The following NCAPD2 variants were observed in gnomAD, a reference collection of about 807,000 sequenced individuals.
The protein encoded by NCAPD2 is non-SMC condensin I complex subunit D2, also known as condensin complex subunit 1.
NCAPD2 carries 100 observed loss-of-function variants against 164.5 expected under a neutral mutation model. That is an observed-to-expected ratio of 0.61 (90% CI 0.52 to 0.72). NCAPD2 has a LOEUF of 0.72. NCAPD2 is among the 30% of genes least tolerant of loss of function. NCAPD2 has a pLI of 0.00. For synonymous variants in NCAPD2, 585 were observed against 642.6 expected (o/e 0.91, Z 1.36); for missense variants, 1,560 against 1,749.2 (o/e 0.89, Z 1.93).
chr12:6,525,325 A>G (rs1592176619), intron 17 of NCAPD2, among the ~76,000 whole-genome samples: 1 of 152,176 alleles, frequency 6.6e-6, no homozygotes. Context: ...ACTTAGAACT[A>G]TGGACCCACG....
chr12:6,509,235 A>G (rs1946123915), intron 2 of NCAPD2, among the ~76,000 whole-genome samples: 1 of 152,164 alleles, frequency 6.6e-6, no homozygotes, highest in African/African-American at 2.4e-5. Flanking sequence ...TAACACAAAT[A>G]TAAGATATCA....
rs746546116 is a variant in NCAPD2 at position 6,530,902 on chromosome 12, G to T, written c.3965-19G>T. ...TGTTTCTTCTTCTTTTTTAAATCACGTTTTCCTGCCTTTTCTAGGTTCTAG... is the reference window on the plus strand; with the variant it reads ...TGTTTCTTCTTCTTTTTTAAATCACTTTTTCCTGCCTTTTCTAGGTTCTAG... On this transcript the variant is annotated intron_variant, in intron 30 of 31. Coordinates refer to ENST00000315579, the MANE Select transcript of NCAPD2 (RefSeq NM_014865.4). 20 of 1,612,976 alleles carry T rather than the reference G, an allele frequency of 1.2e-5. No individual in the cohort carries two copies. Among genetic ancestry groups the T allele is most frequent in the Non-Finnish European group, 1.7e-5 (20 of 1,179,522 alleles).
chr12:6,502,790 G>A (rs182207728), intron 2 of NCAPD2, among the ~76,000 whole-genome samples: 10 of 152,074 alleles, frequency 6.6e-5, no homozygotes, highest in Non-Finnish European at 1.3e-4. Context: ...TTCGGCCTGC[G>A]CAACACAACA....
At chr12:6,504,473 A>T (rs1262338095) in intron 2 of NCAPD2, among the ~76,000 whole-genome samples, 1 of 151,486 alleles carries the variant, frequency 6.6e-6, no homozygotes, top group Non-Finnish European at 1.5e-5. Flanking sequence ...GCTCACTGCA[A>T]CCTCCACCTG....
rs574083548 is a variant in NCAPD2, at chr12:6,531,740, G to A, written c.*328G>A. The stretch of plus-strand genomic sequence containing the variant: ...GAATCGCCTGAACCCAGAGGCGGAG[G>A]TTGTAGTGAGCCGAAATCACACCAT... On this transcript the variant is annotated 3_prime_UTR_variant, in exon 32 of 32. Coordinates refer to ENST00000315579, the MANE Select transcript of NCAPD2 (RefSeq NM_014865.4). This position sits in a 1 kb window ranked among gnomAD's most constrained non-coding sequence, Gnocchi z 4.1. The A allele has an allele frequency of 2.0e-5, 7 of 345,890 alleles. No homozygotes were observed. The Admixed American group carries it at 2.3e-4, about 11-fold the overall frequency. 21.4% of individuals were successfully genotyped at this position (345,890 alleles called of 1,614,324 possible).
chr12:6,505,537 G>A (rs1281386163), intron 2 of NCAPD2, among the ~76,000 whole-genome samples: 2 of 152,146 alleles, frequency 1.3e-5, no homozygotes, highest in Non-Finnish European at 2.9e-5. Context: ...ATGCAGTTAT[G>A]ATTTAATACT....
intron 14 of NCAPD2, among the ~76,000 whole-genome samples, chr12:6,521,403 C>G (rs1946262298): frequency 6.6e-6 from 1 of 152,200 alleles, no homozygotes. Flanking sequence ...TATCCAGGGC[C>G]AGATGTCGTG....
chr12:6,521,462 G>A (rs1055040430), intron 14 of NCAPD2, among the ~76,000 whole-genome samples: 3 of 152,182 alleles, frequency 2.0e-5, no homozygotes, highest in Non-Finnish European at 2.9e-5. Context: ...CAGGAGGATT[G>A]CTTGAGCCCA....
chr12:6,519,961 G>A lies in NCAPD2; in HGVS notation c.1590-1025G>A, dbSNP rs544596139. Among the ~76,000 whole-genome samples the A allele has an allele frequency of 1.6e-4, 24 of 151,756 alleles. No homozygotes were observed. The East Asian group carries it at 4.1e-3, about 26-fold the overall frequency. On this transcript the variant is annotated intron_variant, in intron 13 of 31. Coordinates refer to ENST00000315579, the MANE Select transcript of NCAPD2 (RefSeq NM_014865.4). ...GCCCAAAGCTGGTGGATCTCTTGAG[G>A]CCAGGAGTTTGAGGCCAGCCTGGCC...
At chr12:6,510,997 C>T (rs148149970) in intron 5 of NCAPD2, 113 bp from the exon 6 acceptor site, 24,335 of 1,318,494 alleles carry the variant, frequency 0.018, 273 homozygotes, top group Middle Eastern at 0.025. Flanking sequence ...ATATTTCTTC[C>T]GTATTACCTT....
intron 21 of NCAPD2, 59 bp downstream of exon 21, chr12:6,526,674 A>G (rs1946321014): frequency 2.5e-6 from 4 of 1,573,620 alleles, no homozygotes; most frequent in Non-Finnish European, 3.5e-6. Flanking sequence ...CTGCAGGGCC[A>G]GGAGCCACTG....
At chr12:6,525,333 A>G (rs1028968094) in intron 17 of NCAPD2, among the ~76,000 whole-genome samples, 5 of 152,204 alleles carry the variant, frequency 3.3e-5, no homozygotes, top group African/African-American at 1.2e-4. Context: ...CTATGGACCC[A>G]CGTGGAACTC....
chr12:6,501,257 T>C (rs1463547194), intron 2 of NCAPD2, among the ~76,000 whole-genome samples: 3 of 92,016 alleles, frequency 3.3e-5, no homozygotes, highest in Non-Finnish European at 6.3e-5. Flanking sequence ...TTTTTTTTTT[T>C]TTAGGCAGAG....
intron 21 of NCAPD2, 32 bp downstream of exon 21, chr12:6,526,647 G>T (rs1219353259): frequency 6.2e-7 from 1 of 1,601,444 alleles, no homozygotes; most frequent in South Asian, 1.1e-5. Context: ...CACTGCGGCA[G>T]CCAGCTTCTG....
In NCAPD2 at chr12:6,511,263, A is replaced by G. The variant is rs750091779; in HGVS notation, c.587+11A>G. 6.2e-7 allele frequency: 1 copy of G among 1,613,948 alleles called. No homozygotes were observed. Among genetic ancestry groups the G allele is most frequent in the Non-Finnish European group, 8.5e-7 (1 of 1,179,890 alleles). The stretch of plus-strand genomic sequence containing the variant: ...AGAAGAATTTGTCAGGTGGGTAGGG[A>G]GGATGGCTACAGATAATACTGAGCT... On this transcript the variant is annotated intron_variant, in intron 6 of 31. Coordinates refer to ENST00000315579, the MANE Select transcript of NCAPD2 (RefSeq NM_014865.4).
chr12:6,514,336 G>T lies in NCAPD2; in HGVS notation c.659G>T (p.Arg220Leu), dbSNP rs201003099. ...TINHQKNRPT[R>L]EAITHLLGVA... ...AATCACCAGAAGAACCGCCCCACTC[G>T]GGAAGCCATAACACACCTGCTTGGT... The change falls in exon 7 of 32, where the codon CGG becomes CTG. Residue 220 changes from arginine to leucine, a missense_variant. Arg to Leu is a moderately radical substitution (Grantham distance 102). Transcript: ENST00000315579. The T allele has an allele frequency of 3.1e-6, 5 of 1,613,990 alleles. No individual in the cohort carries two copies. The highest frequency in any genetic ancestry group is 4.2e-6 in the Non-Finnish European group (5 of 1,180,028).
Position 6,531,183 on chromosome 12 carries a change from C to G in NCAPD2, c.4120+107C>G, listed in dbSNP as rs867774695. The G allele has an allele frequency of 2.6e-6, 4 of 1,512,526 alleles. No homozygotes were observed. Among genetic ancestry groups the G allele is most frequent in the Middle Eastern group, 2.4e-4 (1 of 4,192 alleles). The allele number at this position is 1,512,526 out of a possible 1,614,324, so 93.7% of individuals were successfully genotyped here. On this transcript the variant is annotated intron_variant, in intron 31 of 31. Coordinates refer to ENST00000315579, the MANE Select transcript of NCAPD2 (RefSeq NM_014865.4). The surrounding 1 kb of genome is among the most constrained non-coding windows in gnomAD (Gnocchi z 4.1). ...GGGCCTGAGTGTAGATGCTCTGCCC[C>G]ACTGCCGCAGAAGGGCCTCTCCTGT...
At chr12:6,512,126 G>A (rs1162702352) in intron 6 of NCAPD2, among the ~76,000 whole-genome samples, 1 of 151,894 alleles carries the variant, frequency 6.6e-6, no homozygotes, top group African/African-American at 2.4e-5. Flanking sequence ...AAAAAAATTA[G>A]CCGGGCATGG....
chr12:6,509,912 A>T (rs1472866125), intron 3 of NCAPD2, 120 bp downstream of exon 3: 1 of 1,241,640 alleles, frequency 8.1e-7, no homozygotes, highest in Admixed American at 2.1e-5. Context: ...GGATATTGAT[A>T]TCTCTACTGA....
Sources: gnomAD v4.1 joint callset for allele counts (sites outside exome capture counted in the v4.1 genomes callset) on GRCh38, gnomAD v4.1.1 for gene constraint, Gnocchi (gnomAD v3.1) non-coding constraint, MANE v1.5 for transcripts, NCBI Gene and HGNC (gene_info 2026-07-23, HGNC 2026-07-21) for gene names.